Variants in PPP1R1A observed in about 807,000 individuals in gnomAD.
PPP1R1A encodes protein phosphatase 1 regulatory subunit 1A.
A neutral mutation model predicts 23.9 loss-of-function variants in PPP1R1A; 18 were observed. That is an observed-to-expected ratio of 0.75 (90% CI 0.52 to 1.12). The LOEUF is 1.12. PPP1R1A is among the 50% of genes most tolerant of loss of function. The pLI, the probability that PPP1R1A is intolerant of heterozygous loss-of-function variation, is 0.00. For synonymous variants in PPP1R1A, 84 were observed against 80.7 expected, an observed-to-expected ratio of 1.04 and a Z score of -0.22; for missense variants, 207 against 223.8, an observed-to-expected ratio of 0.92 and a Z score of 0.48.
At chr12:54,582,616 G>A in intron 4 of PPP1R1A, 116 bp downstream of exon 4, 1 of 1,256,414 alleles carries the variant, frequency 8.0e-7, no homozygotes, top group Non-Finnish European at 1.1e-6. Flanking sequence ...AGTTCGTCTA[G>A]CAACAGTTCT....
At chr12:54,587,286 T>C (rs1488757540) in intron 1 of PPP1R1A, among the ~76,000 whole-genome samples, 1 of 152,102 alleles carries the variant, frequency 6.6e-6, no homozygotes, top group East Asian at 1.9e-4. Context: ...GGTCACAAAG[T>C]TTTTTTCAGG....
At chr12:54,587,498 GCTCA>G (rs1016364221) in intron 1 of PPP1R1A, among the ~76,000 whole-genome samples, 2 of 152,106 alleles carry the variant, frequency 1.3e-5, no homozygotes, top group African/African-American at 4.8e-5. Context: ...CCACACATAC[GCTCA>G]CTCTCACCGA....
chr12:54,581,011 C>T lies in PPP1R1A; in HGVS notation c.443G>A (p.Ser148Asn), dbSNP rs1957850781. 6.2e-7 allele frequency: 1 copy of T among 1,613,908 alleles called. No individual in the cohort carries two copies. Among genetic ancestry groups the T allele is most frequent in the Non-Finnish European group, 8.5e-7 (1 of 1,179,836 alleles). Reference protein sequence around the residue: ...ECIPKTHERGSKEPSTKEPST... With the variant: ...ECIPKTHERGNKEPSTKEPST... ...GGGTTCTTTTGTGCTGGGTTCCTTACTGCCTCTCTCGTGAGTTTTAGGGAT... is the reference window on the plus strand; with the variant it reads ...GGGTTCTTTTGTGCTGGGTTCCTTATTGCCTCTCTCGTGAGTTTTAGGGAT... The change falls in exon 6 of 7, where the codon AGT becomes AAT. Residue 148 changes from serine to asparagine, a missense_variant. Ser to Asn is a conservative substitution (Grantham distance 46). Transcript: ENST00000257905. This position sits in a 1 kb window ranked among gnomAD's most constrained non-coding sequence, Gnocchi z 4.1.
chr12:54,582,012 C>G lies in PPP1R1A; in HGVS notation c.367G>C (p.Val123Leu), dbSNP rs1222401605. ...CCAGAGGTGCCCAGCCTTGACTCCACTTCTGTGTCTGGGATCCCAGGTGGG... is the reference window on the plus strand; with the variant it reads ...CCAGAGGTGCCCAGCCTTGACTCCAGTTCTGTGTCTGGGATCCCAGGTGGG... ...SRPPGIPDTE[V>L]ESRLGTSGTA... The change falls in exon 5 of 7, where the codon GTG becomes CTG. Residue 123 changes from valine to leucine, a missense_variant. Val to Leu is a conservative substitution (Grantham distance 32). Transcript: ENST00000257905. 1.2e-6 allele frequency: 2 copies of G among 1,613,558 alleles called. No individual in the cohort carries two copies. The highest frequency in any genetic ancestry group is 2.2e-5 in the South Asian group (2 of 91,036).
chr12:54,581,858 T>G lies in PPP1R1A; in HGVS notation c.403+118A>C. The G allele has an allele frequency of 9.1e-7, 1 of 1,101,386 alleles. No homozygotes were observed. The highest frequency in any genetic ancestry group is 2.6e-5 in the East Asian group (1 of 38,312). 68.2% of individuals were successfully genotyped at this position (1,101,386 alleles called of 1,614,324 possible). A position where few individuals can be genotyped will look rare whatever the true frequency, so the allele number is the denominator to read the frequency against. On this transcript the variant is annotated intron_variant, in intron 5 of 6. Transcript: ENST00000257905. This position sits in a 1 kb window ranked among gnomAD's most constrained non-coding sequence, Gnocchi z 4.1. The stretch of plus-strand genomic sequence containing the variant: ...AGATCCATATCCTTGAGACAGTTTT[T>G]GCCTACTACTAGGCCTCTCCCAGGC...
At position 54,588,590 on chromosome 12, in the gene PPP1R1A, G is replaced by T. The variant is rs1003618226; in HGVS notation, c.-102C>A. 8.1e-6 allele frequency: 5 copies of T among 614,170 alleles called. No individual in the cohort carries two copies. Among genetic ancestry groups the T allele is most frequent in the Non-Finnish European group, 1.1e-5 (5 of 443,984 alleles). The allele number at this position is 614,170 out of a possible 1,614,324, so 38.0% of individuals were successfully genotyped here. A position where few individuals can be genotyped will look rare whatever the true frequency, so the allele number is the denominator to read the frequency against. On this transcript the variant is annotated 5_prime_UTR_variant, in exon 1 of 7. Coordinates refer to ENST00000257905, the MANE Select transcript of PPP1R1A (RefSeq NM_006741.4). Reference sequence around the variant, plus strand: ...TCCCTCTCCGCTCCGCTCCGGCCCCGGCCCCAGCCCGGCGCGCTCGGCTCC... The same window carrying T: ...TCCCTCTCCGCTCCGCTCCGGCCCCTGCCCCAGCCCGGCGCGCTCGGCTCC...
chr12:54,584,425 A>C, intron 1 of PPP1R1A, 105 bp from the exon 2 acceptor site: 1 of 1,087,374 alleles, frequency 9.2e-7, no homozygotes, highest in Non-Finnish European at 1.3e-6. Flanking sequence ...TACTTAACAC[A>C]CCTCAAAAAA....
rs1249182354 is a variant in PPP1R1A at position 54,584,308 on chromosome 12, G to A, written c.97C>T (p.Arg33Cys). 2 of 1,602,346 alleles carry A rather than the reference G, an allele frequency of 1.2e-6. No homozygotes were observed. The highest frequency in any genetic ancestry group is 1.7e-6 in the Non-Finnish European group (2 of 1,175,002). Residue 33 changes from arginine (R) to cysteine (C), a missense_variant, in exon 2 of 7, where the codon CGC becomes TGC. Transcript: ENST00000257905. The stretch of plus-strand genomic sequence containing the variant: ...AGCACGAGGGTGGCAGGGGTGGGGC[G>A]GCGCCTCCGAATCTGAGGGAAGGTG... ...PEAAEQIRRR[R>C]PTPATLVLTS...
intron 1 of PPP1R1A, 67 bp from the exon 2 acceptor site, chr12:54,584,387 C>A: frequency 7.1e-7 from 1 of 1,402,720 alleles, no homozygotes; most frequent in African/African-American, 1.4e-5. Context: ...CCACCCAAAA[C>A]CACTCAGTAA....
intron 6 of PPP1R1A, 144 bp downstream of exon 6, chr12:54,580,800 C>CT: frequency 1.2e-6 from 1 of 802,140 alleles, no homozygotes; most frequent in Non-Finnish European, 2.3e-6. Context: ...GATACAAGTC[C>CT]TTTTACCATA....
chr12:54,582,376 A>C (rs143185156), intron 4 of PPP1R1A, among the ~76,000 whole-genome samples: 23 of 152,270 alleles, frequency 1.5e-4, no homozygotes, highest in African/African-American at 5.5e-4. Flanking sequence ...TTTAAGAACA[A>C]GGGATACTCC....
rs937455184 is a variant in PPP1R1A at position 54,582,102 on chromosome 12, C to T, written c.277G>A (p.Gly93Arg). ...GGTTCCTCTCCTTGCTGCTGTTGCCCCAGGTGATGTTCAACCATCATCTGG... is the reference window on the plus strand; with the variant it reads ...GGTTCCTCTCCTTGCTGCTGTTGCCTCAGGTGATGTTCAACCATCATCTGG... The part of the protein sequence containing the change: ...ELQMMVEHHL[G>R]QQQQGEEPEG... The change falls in exon 5 of 7, where the codon GGG becomes AGG. Residue 93 changes from glycine to arginine, a missense_variant. Gly to Arg is a moderately radical substitution (Grantham distance 125, BLOSUM62 -2). Coordinates refer to ENST00000257905, the MANE Select transcript of PPP1R1A (RefSeq NM_006741.4). The T allele has an allele frequency of 1.9e-6, 3 of 1,613,564 alleles. No individual in the cohort carries two copies. The highest frequency in any genetic ancestry group is 2.5e-6 in the Non-Finnish European group (3 of 1,179,726).
At position 54,583,255 on chromosome 12, in the gene PPP1R1A, G is replaced by C. The variant is rs766422787; in HGVS notation, c.146-7C>G. On this transcript the variant is annotated splice_region_variant and splice_polypyrimidine_tract_variant and intron_variant, in intron 2 of 6. Coordinates refer to ENST00000257905, the MANE Select transcript of PPP1R1A (RefSeq NM_006741.4). ...ATCCGGTCTTCATCTATCTCTGAAG[G>C]GAACAGGGAAAGGAGAGGGTGATAA... is the stretch of plus-strand genomic sequence containing the variant. 17 of 1,508,278 alleles carry C rather than the reference G, an allele frequency of 1.1e-5. No homozygotes were observed. The East Asian group carries it at 4.1e-4, about 36-fold the overall frequency. 93.4% of individuals were successfully genotyped at this position (1,508,278 alleles called of 1,614,324 possible). A position where few individuals can be genotyped will look rare whatever the true frequency, so the allele number is the denominator to read the frequency against.
At position 54,588,437 on chromosome 12, in the gene PPP1R1A, C is replaced by T. The variant is rs1214115395; in HGVS notation, c.52G>A (p.Glu18Lys). 2 of 1,499,270 alleles carry T rather than the reference C, an allele frequency of 1.3e-6. No homozygotes were observed. Among genetic ancestry groups the T allele is most frequent in the South Asian group, 2.5e-5 (2 of 79,420 alleles). 92.9% of individuals were successfully genotyped at this position (1,499,270 alleles called of 1,614,324 possible). A position where few individuals can be genotyped will look rare whatever the true frequency, so the allele number is the denominator to read the frequency against. Residue 18 changes from glutamate (E) to lysine (K), a missense_variant, in exon 1 of 7, where the codon GAG becomes AAG. By Grantham distance (56) the Glu-to-Lys change is moderately conservative. Coordinates refer to ENST00000257905, the MANE Select transcript of PPP1R1A (RefSeq NM_006741.4). ...RKIQFTVPLLEPHLDPEAAEQ... is the reference protein window; with the variant it reads ...RKIQFTVPLLKPHLDPEAAEQ... ...GCCGCCTCGGGGTCAAGGTGCGGCT[C>T]CAGCAGCGGGACCGTGAACTGGATC...
rs2121201024 is a variant in PPP1R1A at position 54,581,049 on chromosome 12, T to C, written c.405A>G (p.Lys135=). The change falls in exon 6 of 7, where the codon AAA becomes AAG. Residue 135 remains lysine, a splice_region_variant and synonymous_variant. Transcript: ENST00000257905. This position sits in a 1 kb window ranked among gnomAD's most constrained non-coding sequence, Gnocchi z 4.1. ...SRLGTSGTAK[K]TAECIPKTHE... is the part of the protein sequence containing the mutation. ...GAGTTTTAGGGATGCATTCTGCAGT[T>C]TCTGGGGAGGGAACATAGGGGTGGG... 1.2e-6 allele frequency: 2 copies of C among 1,609,266 alleles called. No homozygotes were observed. Among genetic ancestry groups the C allele is most frequent in the Non-Finnish European group, 1.7e-6 (2 of 1,175,770 alleles).
At chr12:54,586,044 A>G (rs1214411127) in intron 1 of PPP1R1A, among the ~76,000 whole-genome samples, 1 of 152,240 alleles carries the variant, frequency 6.6e-6, no homozygotes, top group South Asian at 2.1e-4. Flanking sequence ...TCCTTCAACT[A>G]GAAGACTCCT....
At position 54,584,246 on chromosome 12, in the gene PPP1R1A, ATC is replaced by A; in HGVS notation, c.145+12_145+13del. ...TGGCCCCCACGCCCTTCAGCAACCTATCCCTTGGCTTACCTGGGGATGACTGG... is the reference window on the plus strand; with the variant it reads ...TGGCCCCCACGCCCTTCAGCAACCTACCTTGGCTTACCTGGGGATGACTGG... On this transcript the variant is annotated intron_variant, in intron 2 of 6. Coordinates refer to ENST00000257905, the MANE Select transcript of PPP1R1A (RefSeq NM_006741.4). The A allele has an allele frequency of 6.3e-7, 1 of 1,591,768 alleles. No individual in the cohort carries two copies. Among genetic ancestry groups the A allele is most frequent in the Non-Finnish European group, 8.6e-7 (1 of 1,168,146 alleles).
In PPP1R1A at chr12:54,582,032, G is replaced by T. The variant is rs777997055; in HGVS notation, c.347C>A (p.Pro116His). 1 of 1,613,674 alleles carries T rather than the reference G, an allele frequency of 6.2e-7. No individual in the cohort carries two copies. The highest frequency in any genetic ancestry group is 1.1e-5 in the South Asian group (1 of 91,064). Residue 116 changes from proline (P) to histidine (H), a missense_variant, in exon 5 of 7, where the codon CCT becomes CAT. Pro to His is a moderately conservative substitution (Grantham distance 77). Coordinates refer to ENST00000257905, the MANE Select transcript of PPP1R1A (RefSeq NM_006741.4). ...ESTGTQESRP[P>H]GIPDTEVESR... ...CTCCACTTCTGTGTCTGGGATCCCAGGTGGGCGGGACTCCTGGGTTCCTGT... is the reference window on the plus strand; with the variant it reads ...CTCCACTTCTGTGTCTGGGATCCCATGTGGGCGGGACTCCTGGGTTCCTGT...
rs1957838980 is a variant in PPP1R1A, at chr12:54,579,982, C to G, written c.*405G>C. The G allele has an allele frequency of 2.0e-6, 2 of 1,003,772 alleles. No individual in the cohort carries two copies. The highest frequency in any genetic ancestry group is 1.2e-6 in the Non-Finnish European group (1 of 840,826). The allele number at this position is 1,003,772 out of a possible 1,614,324, so 62.2% of individuals were successfully genotyped here. On this transcript the variant is annotated 3_prime_UTR_variant, in exon 7 of 7. Coordinates refer to ENST00000257905, the MANE Select transcript of PPP1R1A (RefSeq NM_006741.4). ...CTGCAGGGCAGGCCTGTGAGGTGGTCGGATCGTTCCTCAATAAGAAAAGAG... is the reference window on the plus strand; with the variant it reads ...CTGCAGGGCAGGCCTGTGAGGTGGTGGGATCGTTCCTCAATAAGAAAAGAG...
Sources: gnomAD v4.1 joint callset for allele counts (sites outside exome capture counted in the v4.1 genomes callset) on GRCh38, gnomAD v4.1.1 for gene constraint, Gnocchi (gnomAD v3.1) non-coding constraint, MANE v1.5 for transcripts, NCBI Gene and HGNC (gene_info 2026-07-23, HGNC 2026-07-21) for gene names.